The following KMT2C variants were observed in gnomAD, a reference collection of about 807,000 sequenced individuals.
The protein encoded by KMT2C is lysine methyltransferase 2C.
A neutral mutation model predicts 507.9 loss-of-function variants in KMT2C; 88 were observed. The ratio of observed to expected loss-of-function variants is 0.17; its 90% CI spans 0.15 to 0.21. The LOEUF is 0.21. KMT2C is among the 10% of genes least tolerant of loss of function. The probability of loss-of-function intolerance (pLI) is 1.00; values close to 1 mark genes in which losing one functional copy is unlikely to be tolerated. For missense variants in KMT2C, 4,954 were observed against 5,957.8 expected (o/e 0.83, Z 5.55); for synonymous variants, 2,049 against 2,080.8 (o/e 0.98, Z 0.42).
At chr7:152,429,182 G>A (rs747722986) in intron 1 of KMT2C, among the ~76,000 whole-genome samples, 3 of 152,098 alleles carry the variant, frequency 2.0e-5, no homozygotes, top group Non-Finnish European at 2.9e-5. Flanking sequence ...AAATCTTCCA[G>A]GGTTGACTGT....
rs565068013 is a variant in KMT2C, at chr7:152,262,264, C to T, written c.1299+752G>A. ...ATGACAATGCTGTGCCTTCCACTCCCGCACACGGGCCATCATGCCCTCTCC... is the reference window on the plus strand; with the variant it reads ...ATGACAATGCTGTGCCTTCCACTCCTGCACACGGGCCATCATGCCCTCTCC... On this transcript the variant is annotated intron_variant, in intron 9 of 58. Coordinates refer to ENST00000262189, the MANE Select transcript of KMT2C (RefSeq NM_170606.3). Among the ~76,000 whole-genome samples the T allele has an allele frequency of 6.6e-5, 10 of 152,288 alleles. No homozygotes were observed. In the East Asian group the frequency reaches 1.5e-3, roughly 24 times the overall value.
At chr7:152,240,255 T>C (rs1208596205) in intron 14 of KMT2C, among the ~76,000 whole-genome samples, 1 of 152,234 alleles carries the variant, frequency 6.6e-6, no homozygotes, top group Non-Finnish European at 1.5e-5. Flanking sequence ...TCTTCCCTAC[T>C]ATTAGTAAGG....
intron 1 of KMT2C, among the ~76,000 whole-genome samples, chr7:152,372,674 A>G (rs1256820488): frequency 1.3e-5 from 2 of 152,250 alleles, no homozygotes; most frequent in Non-Finnish European, 2.9e-5. Context: ...TGTAACATTT[A>G]TAAATATATA....
At chr7:152,290,300 T>A (rs1246151771) in intron 6 of KMT2C, among the ~76,000 whole-genome samples, 175 of 43,146 alleles carry the variant, frequency 4.1e-3, no homozygotes, top group African/African-American at 0.013. Flanking sequence ...ATATATTTTT[T>A]TTTTTTTTTT....
chr7:152,434,207 T>C (rs192610233), intron 1 of KMT2C, among the ~76,000 whole-genome samples: 114 of 152,330 alleles, frequency 7.5e-4, no homozygotes, highest in African/African-American at 2.5e-3. Context: ...AGTGGCATAA[T>C]AAATAAGTCC....
chr7:152,283,327 C>T (rs958299076), intron 6 of KMT2C, among the ~76,000 whole-genome samples: 10 of 152,222 alleles, frequency 6.6e-5, no homozygotes, highest in African/African-American at 1.7e-4. Flanking sequence ...GAGTTAAATA[C>T]TTCAAAAAGT....
In KMT2C at chr7:152,171,241, G is replaced by A. The variant is rs773380682; in HGVS notation, c.9453+23C>T. 20 of 1,533,192 alleles carry A rather than the reference G, an allele frequency of 1.3e-5. No individual in the cohort carries two copies. The East Asian group carries it at 4.6e-4, about 35-fold the overall frequency. 95.0% of individuals were successfully genotyped at this position (1,533,192 alleles called of 1,614,324 possible). A position where few individuals can be genotyped will look rare whatever the true frequency, so the allele number is the denominator to read the frequency against. Reference sequence around the variant, plus strand: ...AAACAGAAAAGCGTGCATTCTAGAGGGACTCATTACAGGCAGTGTTACCTG... The same window carrying A: ...AAACAGAAAAGCGTGCATTCTAGAGAGACTCATTACAGGCAGTGTTACCTG... On this transcript the variant is annotated intron_variant, in intron 40 of 58. Transcript: ENST00000262189.
chr7:152,415,412 G>C (rs2097724182), intron 1 of KMT2C, among the ~76,000 whole-genome samples: 1 of 151,888 alleles, frequency 6.6e-6, no homozygotes, highest in Non-Finnish European at 1.5e-5. Context: ...AGAAATAATG[G>C]GACTTTTCAC....
At chr7:152,329,488 T>A (rs1046030531) in intron 3 of KMT2C, among the ~76,000 whole-genome samples, 1 of 151,938 alleles carries the variant, frequency 6.6e-6, no homozygotes, top group Non-Finnish European at 1.5e-5. Flanking sequence ...GAGGATCACC[T>A]GAGCCTGGGA....
chr7:152,300,989 C>A (rs1371508814), intron 6 of KMT2C, among the ~76,000 whole-genome samples: 2 of 151,788 alleles, frequency 1.3e-5, no homozygotes, highest in South Asian at 2.1e-4. Context: ...ACCAGGGAGG[C>A]AGAGGTTGCA....
At chr7:152,431,603 C>CAA (rs71533568) in intron 1 of KMT2C, among the ~76,000 whole-genome samples, 7 of 116,372 alleles carry the variant, frequency 6.0e-5, no homozygotes, top group Middle Eastern at 4.8e-3. Context: ...AAGACTCTGT[C>CAA]AAAAAAAAAA....
chr7:152,165,426 T>TA (rs953652312), intron 42 of KMT2C, among the ~76,000 whole-genome samples: 36 of 152,114 alleles, frequency 2.4e-4, no homozygotes, highest in Middle Eastern at 3.4e-3. Flanking sequence ...ATGAAAGTGC[T>TA]AAAAAAAATA....
chr7:152,336,792 TC>T (rs1287919397), intron 2 of KMT2C, among the ~76,000 whole-genome samples: 1 of 152,152 alleles, frequency 6.6e-6, no homozygotes, highest in Non-Finnish European at 1.5e-5. Flanking sequence ...GAATATAAAA[TC>T]CCTAATATAT....
chr7:152,360,038 G>C (rs1378743022), intron 1 of KMT2C, among the ~76,000 whole-genome samples: 1 of 92,894 alleles, frequency 1.1e-5, no homozygotes, highest in Non-Finnish European at 1.9e-5. Flanking sequence ...GACAGAGTGA[G>C]ACTGTCTCAA....
intron 1 of KMT2C, among the ~76,000 whole-genome samples, chr7:152,390,037 AG>A (rs571419536): frequency 2.3e-3 from 346 of 152,342 alleles, no homozygotes; most frequent in African/African-American, 8.0e-3. Context: ...TAAAGATGGA[AG>A]TAATAGACTA....
intron 40 of KMT2C, 36 bp downstream of exon 40, chr7:152,171,227 CG>C: frequency 1.4e-6 from 2 of 1,381,738 alleles, no homozygotes; most frequent in Non-Finnish European, 2.0e-6. Flanking sequence ...AACAGAAAAG[CG>C]TGCATTCTAG....
chr7:152,188,687 A>G (rs1382919126), intron 31 of KMT2C, among the ~76,000 whole-genome samples: 1 of 135,980 alleles, frequency 7.4e-6, no homozygotes, highest in African/African-American at 2.9e-5. Context: ...ATCTCAGCTC[A>G]CTGCCACCTC....
intron 6 of KMT2C, among the ~76,000 whole-genome samples, chr7:152,282,307 A>AAG (rs1554609608): frequency 7.2e-5 from 11 of 151,798 alleles, no homozygotes; most frequent in African/African-American, 2.2e-4. Flanking sequence ...AAAAAAAAAA[A>AAG]AAAGAAAGAA....
intron 6 of KMT2C, among the ~76,000 whole-genome samples, chr7:152,293,373 C>CA (rs1431831592): frequency 1.3e-5 from 2 of 151,984 alleles, no homozygotes; most frequent in African/African-American, 2.4e-5. Flanking sequence ...AGTATATTTT[C>CA]AAAACAAGTT....
Sources: gnomAD v4.1 joint callset for allele counts (sites outside exome capture counted in the v4.1 genomes callset) on GRCh38, gnomAD v4.1.1 for gene constraint, MANE v1.5 for transcripts, NCBI Gene and HGNC (gene_info 2026-07-23, HGNC 2026-07-21) for gene names.